TRIM71: variants seen among roughly 807,000 people sequenced by gnomAD.
The protein encoded by TRIM71 is E3 ubiquitin-protein ligase TRIM71.
A neutral mutation model predicts 61.2 loss-of-function variants in TRIM71; 9 were observed. The ratio of observed to expected loss-of-function variants is 0.15; its 90% CI spans 0.09 to 0.26. TRIM71 has a LOEUF of 0.26. Ranked by LOEUF, TRIM71 falls within the 10% of genes least tolerant of loss-of-function variation. The pLI, the probability that TRIM71 is intolerant of heterozygous loss-of-function variation, is 1.00. For synonymous variants in TRIM71, 645 were observed against 553.2 expected, an observed-to-expected ratio of 1.17 and a Z score of -2.33; for missense variants, 998 against 1,238.7, an observed-to-expected ratio of 0.81 and a Z score of 2.92.
In TRIM71 at chr3:32,856,178, C is replaced by T. The variant is rs565937947; in HGVS notation, c.853-17640C>T. On this transcript the variant is annotated intron_variant, in intron 1 of 3. Transcript: ENST00000383763. The stretch of plus-strand genomic sequence containing the variant: ...GACTACAGGTGCCCGCCACCACGCC[C>T]GGCTATTTTTTTGTATTTTTAGTGG... Among the ~76,000 whole-genome samples the T allele has an allele frequency of 1.2e-3, 183 of 152,156 alleles. 1 individual carries two copies. The highest frequency in any genetic ancestry group is 6.8e-3 in the Middle Eastern group (2 of 294).
chr3:32,866,421 G>A (rs1696737417), intron 1 of TRIM71, among the ~76,000 whole-genome samples: 1 of 151,586 alleles, frequency 6.6e-6, no homozygotes, highest in Non-Finnish European at 1.5e-5. Flanking sequence ...TGTATTTTTA[G>A]TAGAGGCAGG....
chr3:32,864,845 GGTGTGTGTGTGTGTGT>G (rs10522411), intron 1 of TRIM71, among the ~76,000 whole-genome samples: 4,593 of 145,880 alleles, frequency 0.031, 132 homozygotes, highest in African/African-American at 0.084. Context: ...AAAATTAAGT[GGTGTGTGTGTGTGTGT>G]GTGTGTGTGT....
intron 3 of TRIM71, among the ~76,000 whole-genome samples, chr3:32,889,904 GTATGTA>G: frequency 6.6e-6 from 1 of 151,900 alleles, no homozygotes; most frequent in East Asian, 1.9e-4. Context: ...GTGTGTGTAT[GTATGTA>G]TGTATGTATG....
chr3:32,832,914 C>T (rs1696289629), intron 1 of TRIM71, among the ~76,000 whole-genome samples: 1 of 151,916 alleles, frequency 6.6e-6, no homozygotes, highest in Admixed American at 6.6e-5. Flanking sequence ...GTGGCTCACG[C>T]CTTAATCCCA....
chr3:32,827,332 C>T (rs569186045), intron 1 of TRIM71, among the ~76,000 whole-genome samples: 2 of 140,212 alleles, frequency 1.4e-5, no homozygotes, highest in East Asian at 2.1e-4. Flanking sequence ...GGTGTGATCT[C>T]GGCTCCTTGT....
At position 32,845,502 on chromosome 3, in the gene TRIM71, A is replaced by C. The variant is rs182412051; in HGVS notation, c.852+26570A>C. Among the ~76,000 whole-genome samples, 252 of 152,290 alleles carry C rather than the reference A, an allele frequency of 1.7e-3. 2 individuals carry two copies. The highest frequency in any genetic ancestry group is 3.5e-4 in the Non-Finnish European group (24 of 68,016). On this transcript the variant is annotated intron_variant, in intron 1 of 3. Coordinates refer to ENST00000383763, the MANE Select transcript of TRIM71 (RefSeq NM_001039111.3). ...CCCTCCTTCCCTCTAGCGGGTTTGC[A>C]AGGAGTCTTCAGTTTGGGGGTTACT...
At chr3:32,872,102 G>A (rs1185189237) in intron 1 of TRIM71, among the ~76,000 whole-genome samples, 2 of 152,120 alleles carry the variant, frequency 1.3e-5, no homozygotes, top group African/African-American at 4.8e-5. Flanking sequence ...AGCCGAGATC[G>A]CGTCGCCACT....
intron 1 of TRIM71, among the ~76,000 whole-genome samples, chr3:32,867,674 G>C (rs1253907897): frequency 6.6e-6 from 1 of 152,152 alleles, no homozygotes; most frequent in Non-Finnish European, 1.5e-5. Flanking sequence ...GCATTGTAGA[G>C]TATGTATATT....
chr3:32,891,871 TCTTTCTCTTTCTC>T lies in TRIM71; in HGVS notation c.*61_*73del, dbSNP rs1455484232. On this transcript the variant is annotated 3_prime_UTR_variant, in exon 4 of 4. Coordinates refer to ENST00000383763, the MANE Select transcript of TRIM71 (RefSeq NM_001039111.3). The surrounding 1 kb of genome is among the most constrained non-coding windows in gnomAD (Gnocchi z 8.2). ...GTGCGTGTCTCTCTCTCTCTCTCTC[TCTTTCTCTTTCTC>T]TCTCTTTTTGAATTTCAAAGAAGAA... 8.5e-6 allele frequency: 13 copies of T among 1,522,246 alleles called. No homozygotes were observed. The highest frequency in any genetic ancestry group is 6.4e-5 in the Admixed American group (3 of 46,908). 94.3% of individuals were successfully genotyped at this position (1,522,246 alleles called of 1,614,324 possible).
chr3:32,856,579 T>A (rs1259911196), intron 1 of TRIM71, among the ~76,000 whole-genome samples: 1 of 152,202 alleles, frequency 6.6e-6, no homozygotes, highest in Non-Finnish European at 1.5e-5. Context: ...TGAAAGGCTG[T>A]TTTGACTGGA....
intron 1 of TRIM71, among the ~76,000 whole-genome samples, chr3:32,825,203 TA>T (rs1216168564): frequency 6.6e-6 from 1 of 152,188 alleles, no homozygotes; most frequent in Non-Finnish European, 1.5e-5. Context: ...ATTATGAGCA[TA>T]ATTGGGCTTT....
chr3:32,873,454 T>G (rs576410950), intron 1 of TRIM71, among the ~76,000 whole-genome samples: 106 of 152,228 alleles, frequency 7.0e-4, no homozygotes, highest in Non-Finnish European at 1.2e-3. Context: ...CTTAACAACT[T>G]TTCTGGATAA....
intron 1 of TRIM71, among the ~76,000 whole-genome samples, chr3:32,829,190 T>C (rs1055073533): frequency 3.4e-5 from 5 of 148,838 alleles, no homozygotes; most frequent in Non-Finnish European, 7.5e-5. Context: ...CTTTTCTTTT[T>C]TTTTTTTTTT....
intron 1 of TRIM71, among the ~76,000 whole-genome samples, chr3:32,825,075 G>A (rs1239679152): frequency 6.6e-6 from 1 of 152,192 alleles, no homozygotes; most frequent in Non-Finnish European, 1.5e-5. Context: ...GGATTCAGGT[G>A]TGAGCCACTG....
rs140967826 is a variant in TRIM71 at position 32,879,402 on chromosome 3, C to T, written c.1020+5417C>T. 3.2e-3 allele frequency among the ~76,000 whole-genome samples: 492 copies of T among 152,276 alleles called. 1 individual carries two copies. Among genetic ancestry groups the T allele is most frequent in the Middle Eastern group, 0.014 (4 of 294 alleles). ...TAGCTTTCAGCCTGTCTGTAGCTTT[C>T]TACTTGCTTTCTTTACTAAGCTTAA... On this transcript the variant is annotated intron_variant, in intron 2 of 3. Coordinates refer to ENST00000383763, the MANE Select transcript of TRIM71 (RefSeq NM_001039111.3).
chr3:32,869,652 C>T (rs1327027432), intron 1 of TRIM71, among the ~76,000 whole-genome samples: 1 of 152,222 alleles, frequency 6.6e-6, no homozygotes, highest in Non-Finnish European at 1.5e-5. Context: ...ATTTATTTTC[C>T]TTTAACCTCC....
intron 1 of TRIM71, among the ~76,000 whole-genome samples, chr3:32,856,124 TCTC>T (rs1448329111): frequency 3.3e-5 from 5 of 152,296 alleles, no homozygotes; most frequent in South Asian, 2.1e-4. Flanking sequence ...TTCACACCGT[TCTC>T]CTGCCTCAGC....
chr3:32,891,577 TGG>T lies in TRIM71; in HGVS notation c.2375_2376del (p.Gly792AlafsTer30). On this transcript the variant is annotated frameshift_variant, in exon 4 of 4. Coordinates refer to ENST00000383763, the MANE Select transcript of TRIM71 (RefSeq NM_001039111.3). LOFTEE classifies it high-confidence loss of function. This position sits in a 1 kb window ranked among gnomAD's most constrained non-coding sequence, Gnocchi z 8.2. ...RFLGSEGTGN[G>X]QFLRPQGVAV... ...TTCTGGGCTCGGAGGGCACAGGCAA[TGG>T]GCAGTTCCTGCGCCCACAAGGGGTA... The T allele has an allele frequency of 6.2e-7, 1 of 1,613,838 alleles. No homozygotes were observed. The highest frequency in any genetic ancestry group is 8.5e-7 in the Non-Finnish European group (1 of 1,179,862).
chr3:32,858,671 T>C (rs1696633013), intron 1 of TRIM71, among the ~76,000 whole-genome samples: 1 of 152,186 alleles, frequency 6.6e-6, no homozygotes, highest in South Asian at 2.1e-4. Flanking sequence ...GAAAGCCACG[T>C]AGGGCCTCAG....
Sources: allele counts gnomAD v4.1 joint callset (sites outside exome capture counted in the v4.1 genomes callset), GRCh38; gene constraint gnomAD v4.1.1; non-coding constraint Gnocchi (gnomAD v3.1); transcripts MANE v1.5; gene names NCBI Gene and HGNC (gene_info 2026-07-23, HGNC 2026-07-21).